AFAP1L2: variants seen among roughly 807,000 people sequenced by gnomAD.
The protein encoded by AFAP1L2 is actin filament-associated protein 1-like 2.
AFAP1L2 carries 46 observed loss-of-function variants against 99.3 expected under a neutral mutation model. The observed-to-expected ratio is 0.46, with a 90% CI of 0.37 to 0.59. AFAP1L2 has a LOEUF of 0.59. Among genes scored for constraint, AFAP1L2 ranks in the 20% least tolerant of loss-of-function variants. AFAP1L2 has a pLI of 0.00. For missense variants in AFAP1L2, 959 were observed against 1,034.9 expected, an observed-to-expected ratio of 0.93 and a Z score of 1.01; for synonymous variants, 397 against 419.1, an observed-to-expected ratio of 0.95 and a Z score of 0.64.
chr10:114,291,528 T>C, downstream of AFAP1L2: 1 of 404,518 alleles, frequency 2.5e-6, no homozygotes. Flanking sequence ...CTGTGCCTTG[T>C]TGAGGCTATG....
At chr10:114,378,941 G>A (rs1391735581) in intron 1 of AFAP1L2, among the ~76,000 whole-genome samples, 3 of 152,086 alleles carry the variant, frequency 2.0e-5, no homozygotes, top group African/African-American at 7.2e-5. Flanking sequence ...AACAGGCACA[G>A]CAGCTCATGC....
Position 114,295,066 on chromosome 10 carries a change from A to G in AFAP1L2, c.*976T>C. The G allele has an allele frequency of 1.0e-6, 1 of 985,608 alleles. No homozygotes were observed. The highest frequency in any genetic ancestry group is 1.2e-6 in the Non-Finnish European group (1 of 829,892). 61.1% of individuals were successfully genotyped at this position (985,608 alleles called of 1,614,324 possible). On this transcript the variant is annotated 3_prime_UTR_variant, in exon 19 of 19. Transcript: ENST00000304129. ...TCAGAGGAAAAGACAGGGGCAGCAC[A>G]AGGAACAGCACTGCCAATTTTAAGA... is the stretch of plus-strand genomic sequence containing the variant.
At chr10:114,305,645 A>G (rs2042149629) in intron 10 of AFAP1L2, among the ~76,000 whole-genome samples, 2 of 123,048 alleles carry the variant, frequency 1.6e-5, no homozygotes, top group African/African-American at 6.4e-5. Flanking sequence ...GCAGGAGGAG[A>G]TGCAGATGCA....
In AFAP1L2 at chr10:114,315,728, G is replaced by T; in HGVS notation, c.444C>A (p.Tyr148Ter). The T allele has an allele frequency of 6.2e-7, 1 of 1,613,148 alleles. No individual in the cohort carries two copies. Among genetic ancestry groups the T allele is most frequent in the Non-Finnish European group, 8.5e-7 (1 of 1,179,892 alleles). The change falls in exon 6 of 19, where the codon TAC becomes TAA. Residue 148 changes from tyrosine to a stop codon, truncating the protein, a stop_gained. Coordinates refer to ENST00000304129, the MANE Select transcript of AFAP1L2 (RefSeq NM_001001936.3). LOFTEE classifies it high-confidence loss of function. The part of the protein sequence containing the change: ...GEAVSSSYES[Y>*]DEEDGSKGKS... ...TGCCCTTGCTGCCGTCCTCTTCATC[G>T]TAGGACTCGTAGGAGCTGCTCACAG...
At chr10:114,378,125 A>C (rs1159893424) in intron 1 of AFAP1L2, among the ~76,000 whole-genome samples, 1 of 152,242 alleles carries the variant, frequency 6.6e-6, no homozygotes, top group Non-Finnish European at 1.5e-5. Context: ...CTCTGCTTGC[A>C]AGAACCTGAA....
At chr10:114,321,082 T>A (rs1228916555) in intron 5 of AFAP1L2, among the ~76,000 whole-genome samples, 1 of 152,178 alleles carries the variant, frequency 6.6e-6, no homozygotes, top group African/African-American at 2.4e-5. Context: ...GGGAATCCCA[T>A]CCCGCTCCCA....
In AFAP1L2 at chr10:114,302,362, C is replaced by T; in HGVS notation, c.1407G>A (p.Val469=). 6.2e-7 allele frequency: 1 copy of T among 1,614,170 alleles called. No homozygotes were observed. Among genetic ancestry groups the T allele is most frequent in the Non-Finnish European group, 8.5e-7 (1 of 1,180,026 alleles). ...YVDADRVSCI[V]SAAKNSLLLM... is the part of the protein sequence containing the mutation. ...ACAAGAGAGAGTTTTTGGCCGCACT[C>T]ACAATACAGGAGACCCTATCGGCAT... Residue 469 remains valine, a synonymous_variant, in exon 12 of 19, where the codon GTG becomes GTA. Transcript: ENST00000304129.
At chr10:114,326,041 C>G in intron 4 of AFAP1L2, 1 of 1,287,776 alleles carries the variant, frequency 7.8e-7, no homozygotes, top group Non-Finnish European at 1.0e-6. Flanking sequence ...TCAGGATTCT[C>G]TAGAGTCGAA....
rs1442518046 is a variant in AFAP1L2 at position 114,294,945 on chromosome 10, G to GTGTT, written c.*1093_*1096dup. ...AAAGACATTTAGTTCTCAGGAACAA[G>GTGTT]TGTTAGAGAACTGATACACAACCCT... On this transcript the variant is annotated 3_prime_UTR_variant, in exon 19 of 19. Coordinates refer to ENST00000304129, the MANE Select transcript of AFAP1L2 (RefSeq NM_001001936.3). 4 of 983,012 alleles carry GTGTT rather than the reference G, an allele frequency of 4.1e-6. No homozygotes were observed. The African/African-American group carries it at 5.3e-5, about 13-fold the overall frequency. 60.9% of individuals were successfully genotyped at this position (983,012 alleles called of 1,614,324 possible).
Position 114,310,168 on chromosome 10 carries a change from C to T in AFAP1L2, c.882+186G>A, listed in dbSNP as rs142271034. 9.0e-3 allele frequency among the ~76,000 whole-genome samples: 1,368 copies of T among 152,336 alleles called. 10 individuals are homozygous for T. The highest frequency in any genetic ancestry group is 0.02 in the Middle Eastern group (6 of 294). On this transcript the variant is annotated intron_variant, in intron 8 of 18. Transcript: ENST00000304129. The stretch of plus-strand genomic sequence containing the variant: ...TCTCAAATCCCTGACTTCAGGTGAT[C>T]CACCTGCCTCAGCCTCCCAAAGTGC...
chr10:114,288,999 C>T, the AFAP1L2 span: 1,999 of 1,614,114 alleles, frequency 1.2e-3, 17 homozygotes, highest in African/African-American at 0.024. Context: ...CAGTAGGGCC[C>T]GAGAATTTTG....
chr10:114,305,285 G>T (rs1488005931), intron 10 of AFAP1L2, among the ~76,000 whole-genome samples: 15 of 145,170 alleles, frequency 1.0e-4, no homozygotes, highest in Non-Finnish European at 4.5e-5. Flanking sequence ...GCGGATGCAG[G>T]AGGGGATGCG....
Position 114,300,552 on chromosome 10 carries a change from T to A in AFAP1L2, c.1681A>T (p.Thr561Ser). The change falls in exon 14 of 19, where the codon ACG (threonine) becomes TCG (serine). Residue 561 changes from threonine (T) to serine (S), a missense_variant. This residue lies in a region of AFAP1L2 where 576 missense variants were observed against 562.1 expected (regional missense o/e 1.02). Transcript: ENST00000304129. Reference sequence around the variant, plus strand: ...GTTGCATTGTCCAGGCAGGACAACGTCGGGGAGGAGGCCTGGGCCTGTGCA... The same window carrying A: ...GTTGCATTGTCCAGGCAGGACAACGACGGGGAGGAGGCCTGGGCCTGTGCA... ...SSAQAQASSP[T>S]LSCLDNATEA... 1 of 1,614,080 alleles carries A rather than the reference T, an allele frequency of 6.2e-7. No homozygotes were observed. Among genetic ancestry groups the A allele is most frequent in the Non-Finnish European group, 8.5e-7 (1 of 1,180,002 alleles).
chr10:114,358,712 CG>C (rs1400583088), intron 1 of AFAP1L2, among the ~76,000 whole-genome samples: 1 of 152,060 alleles, frequency 6.6e-6, no homozygotes, highest in Admixed American at 6.5e-5. Context: ...GTCAGGAGTT[CG>C]AGACCAGCCT....
chr10:114,333,514 C>A (rs1315988811), intron 2 of AFAP1L2, among the ~76,000 whole-genome samples: 1 of 152,078 alleles, frequency 6.6e-6, no homozygotes, highest in Non-Finnish European at 1.5e-5. Flanking sequence ...CTAGCCTGAC[C>A]GAGGGTGTGG....
At chr10:114,302,236 G>C (rs1405438016) in intron 12 of AFAP1L2, 103 bp downstream of exon 12, 1 of 1,496,716 alleles carries the variant, frequency 6.7e-7, no homozygotes, top group Non-Finnish European at 9.2e-7. Flanking sequence ...GCAGAGTGGG[G>C]TGGGACCCTG....
chr10:114,347,552 T>C (rs933414160), intron 1 of AFAP1L2, among the ~76,000 whole-genome samples: 35 of 152,320 alleles, frequency 2.3e-4, no homozygotes, highest in African/African-American at 8.4e-4. Context: ...CATGACTCAC[T>C]GCACCCTTGA....
intron 1 of AFAP1L2, among the ~76,000 whole-genome samples, chr10:114,403,711 C>T (rs2058443697): frequency 6.6e-6 from 1 of 152,142 alleles, no homozygotes; most frequent in East Asian, 1.9e-4. Flanking sequence ...CCGGGACGGC[C>T]CGCCCACCGG....
At chr10:114,324,400 C>A (rs1267319437) in intron 4 of AFAP1L2, among the ~76,000 whole-genome samples, 11 of 12,274 alleles carry the variant, frequency 9.0e-4, no homozygotes, top group Middle Eastern at 0.083. Flanking sequence ...TGCACCACCC[C>A]CCCCCCCCCC....
Sources: gnomAD v4.1 joint callset for allele counts (sites outside exome capture counted in the v4.1 genomes callset) on GRCh38, gnomAD v4.1.1 for gene constraint, gnomAD v4.1.1 regional missense constraint, MANE v1.5 for transcripts, NCBI Gene and HGNC (gene_info 2026-07-23, HGNC 2026-07-21) for gene names.